TMEM154: variants seen among roughly 807,000 people sequenced by gnomAD.
TMEM154 encodes transmembrane protein 154.
In TMEM154, 27 loss-of-function variants were observed where a neutral mutation model predicts 24.5. The ratio of observed to expected loss-of-function variants is 1.10; its 90% CI spans 0.81 to 1.52. The LOEUF is 1.52. Among genes scored for constraint, TMEM154 ranks in the 40% most tolerant of loss-of-function variants. The pLI is 0.00. For missense variants in TMEM154, 228 were observed against 213.4 expected (o/e 1.07, Z -0.43); for synonymous variants, 67 against 76.8 (o/e 0.87, Z 0.67).
At chr4:152,661,289 TC>T (rs1561054935) in intron 1 of TMEM154, among the ~76,000 whole-genome samples, 2,515 of 46,462 alleles carry the variant, frequency 0.054, 97 homozygotes, top group African/African-American at 0.15. Context: ...TCTCTTTCTC[TC>T]TCTCTCTCTC....
intron 1 of TMEM154, among the ~76,000 whole-genome samples, chr4:152,675,571 G>A (rs1160631765): frequency 6.6e-6 from 1 of 152,018 alleles, no homozygotes; most frequent in Admixed American, 6.6e-5. Context: ...AGGTTGCGGT[G>A]AGCCAAGATC....
intron 1 of TMEM154, among the ~76,000 whole-genome samples, chr4:152,667,699 G>A (rs151287796): frequency 1.6e-3 from 247 of 152,384 alleles, no homozygotes; most frequent in Middle Eastern, 6.8e-3. Flanking sequence ...CAGCTTGTAA[G>A]TGCAGAAAGG....
intron 1 of TMEM154, among the ~76,000 whole-genome samples, chr4:152,671,111 C>T (rs945508947): frequency 6.6e-6 from 1 of 151,802 alleles, no homozygotes; most frequent in African/African-American, 2.4e-5. Flanking sequence ...GGGAGTTCTT[C>T]AAGCAAAGAG....
intron 6 of TMEM154, among the ~76,000 whole-genome samples, chr4:152,640,509 A>T (rs746429902): frequency 7.9e-5 from 12 of 152,198 alleles, no homozygotes; most frequent in South Asian, 4.1e-4. Context: ...AACATTTTTT[A>T]AAAATTCCCA....
intron 1 of TMEM154, among the ~76,000 whole-genome samples, chr4:152,655,625 TC>T (rs1265029701): frequency 2.4e-5 from 3 of 126,084 alleles, no homozygotes; most frequent in Non-Finnish European, 5.2e-5. Flanking sequence ...GCAGCACCCC[TC>T]CCCCCACCCC....
Position 152,622,097 on chromosome 4 carries a change from C to G in TMEM154, c.*6449G>C, listed in dbSNP as rs553814839. On this transcript the variant is annotated 3_prime_UTR_variant, in exon 7 of 7. Transcript: ENST00000304385. ...CCTCCCAAAGTGCTGGGATTACAGGCATGAGCCACCATGCCTGGCCTACTA... is the reference window on the plus strand; with the variant it reads ...CCTCCCAAAGTGCTGGGATTACAGGGATGAGCCACCATGCCTGGCCTACTA... 3 of 152,302 alleles carry G rather than the reference C, an allele frequency of 2.0e-5. No homozygotes were observed. The highest frequency in any genetic ancestry group is 3.9e-4 in the East Asian group (2 of 5,182). 9.4% of individuals were successfully genotyped at this position (152,302 alleles called of 1,614,324 possible).
At chr4:152,662,073 C>G (rs1351634300) in intron 1 of TMEM154, among the ~76,000 whole-genome samples, 3 of 152,156 alleles carry the variant, frequency 2.0e-5, no homozygotes, top group Admixed American at 6.6e-5. Flanking sequence ...ATAATCTTTT[C>G]CTATTGACAG....
chr4:152,652,805 T>G lies in TMEM154; in HGVS notation c.187A>C (p.Asn63His), dbSNP rs765432771. 1.9e-6 allele frequency: 3 copies of G among 1,614,086 alleles called. No individual in the cohort carries two copies. The highest frequency in any genetic ancestry group is 2.7e-5 in the African/African-American group (2 of 75,044). The change falls in exon 2 of 7, where the codon AAT becomes CAT. Residue 63 changes from asparagine to histidine, a missense_variant. Physicochemically the swap from Asn to His is moderately conservative, Grantham distance 68 (BLOSUM62 1). Transcript: ENST00000304385. ...TIKETLNANI[N>H]STNFAPDENQ... is the part of the protein sequence containing the mutation. ...TCATCCGGAGCAAAGTTGGTAGAATTTATATTTGCATTTAATGTTTCTTTG... is the reference window on the plus strand; with the variant it reads ...TCATCCGGAGCAAAGTTGGTAGAATGTATATTTGCATTTAATGTTTCTTTG...
intron 1 of TMEM154, chr4:152,666,644 C>G (rs192428434): frequency 1.3e-5 from 2 of 152,318 alleles, no homozygotes; most frequent in Admixed American, 1.3e-4. Flanking sequence ...CACCATTAAA[C>G]AGTTTAACTC....
Position 152,628,702 on chromosome 4 carries a change from T to C in TMEM154, c.537-141A>G, listed in dbSNP as rs1751971271. On this transcript the variant is annotated intron_variant, in intron 6 of 6. Coordinates refer to ENST00000304385, the MANE Select transcript of TMEM154 (RefSeq NM_152680.3). The stretch of plus-strand genomic sequence containing the variant: ...CCCAGGCTGGAGCGCAGTGGCACAA[T>C]CTCGGCCCACTGCAAGCTCCACCTC... The C allele has an allele frequency of 4.7e-6, 5 of 1,070,622 alleles. No homozygotes were observed. In the African/African-American group the frequency reaches 6.8e-5, roughly 15 times the overall value. The allele number at this position is 1,070,622 out of a possible 1,614,324, so 66.3% of individuals were successfully genotyped here. A position where few individuals can be genotyped will look rare whatever the true frequency, so the allele number is the denominator to read the frequency against.
At chr4:152,638,691 A>C (rs569595133) in intron 6 of TMEM154, among the ~76,000 whole-genome samples, 2 of 152,324 alleles carry the variant, frequency 1.3e-5, no homozygotes, top group Admixed American at 1.3e-4. Context: ...TTTAATGAAT[A>C]AAAAATTAAC....
At position 152,628,250 on chromosome 4, in the gene TMEM154, G is replaced by T; in HGVS notation, c.*296C>A. 1 of 487,426 alleles carries T rather than the reference G, an allele frequency of 2.1e-6. No individual in the cohort carries two copies. Among genetic ancestry groups the T allele is most frequent in the Non-Finnish European group, 3.6e-6 (1 of 277,298 alleles). The allele number at this position is 487,426 out of a possible 1,614,324, so 30.2% of individuals were successfully genotyped here. A position where few individuals can be genotyped will look rare whatever the true frequency, so the allele number is the denominator to read the frequency against. On this transcript the variant is annotated 3_prime_UTR_variant, in exon 7 of 7. Transcript: ENST00000304385. ...GTTCAGTGAGCTAGAAGTTGGCTGA[G>T]AGGAGGCAACACATGTTGATCAGAA...
intron 3 of TMEM154, chr4:152,647,451 G>A (rs1728274940): frequency 2.2e-6 from 1 of 450,958 alleles, no homozygotes; most frequent in African/African-American, 2.1e-5. Context: ...TAAAGCATTG[G>A]CTGATAAGAG....
At chr4:152,651,184 A>ATTT (rs36036886) in intron 3 of TMEM154, among the ~76,000 whole-genome samples, 8 of 145,114 alleles carry the variant, frequency 5.5e-5, no homozygotes, top group African/African-American at 7.6e-5. Flanking sequence ...CCTAGATGGC[A>ATTT]TTTTTTTTTT....
chr4:152,630,055 T>A (rs1752005401), intron 6 of TMEM154, among the ~76,000 whole-genome samples: 1 of 152,138 alleles, frequency 6.6e-6, no homozygotes, highest in Admixed American at 6.5e-5. Flanking sequence ...GGCTCACAGC[T>A]GTCATCCCAG....
intron 3 of TMEM154, chr4:152,647,094 T>A (rs1164336853): frequency 9.1e-7 from 1 of 1,096,978 alleles, no homozygotes; most frequent in Non-Finnish European, 1.3e-6. Context: ...TCCAATCAGA[T>A]GAAGTGTTCT....
chr4:152,656,355 T>G (rs1457977755), intron 1 of TMEM154, among the ~76,000 whole-genome samples: 1 of 152,070 alleles, frequency 6.6e-6, no homozygotes, highest in Non-Finnish European at 1.5e-5. Flanking sequence ...CAAGGACAGA[T>G]ATGCTCAACC....
intron 1 of TMEM154, chr4:152,669,212 G>A (rs890460326): frequency 5.3e-5 from 8 of 151,738 alleles, no homozygotes; most frequent in African/African-American, 1.9e-4. Context: ...TTTCAGAAAT[G>A]GTCTCTTTTT....
At chr4:152,661,287 TCTCTCTC>T (rs1728597834) in intron 1 of TMEM154, among the ~76,000 whole-genome samples, 4 of 30,376 alleles carry the variant, frequency 1.3e-4, no homozygotes, top group African/African-American at 3.7e-4. Flanking sequence ...GTTCTCTTTC[TCTCTCTC>T]TCTCTCTCTC....
Sources: gnomAD v4.1 joint callset for allele counts (sites outside exome capture counted in the v4.1 genomes callset) on GRCh38, gnomAD v4.1.1 for gene constraint, MANE v1.5 for transcripts, NCBI Gene and HGNC (gene_info 2026-07-23, HGNC 2026-07-21) for gene names.